The following MAP2 variants were observed in gnomAD, a reference collection of about 807,000 sequenced individuals.
MAP2 encodes the protein microtubule associated protein 2.
A neutral mutation model predicts 137.6 loss-of-function variants in MAP2; 14 were observed. That is an observed-to-expected ratio of 0.10 (90% CI 0.07 to 0.16). The LOEUF (loss-of-function observed/expected upper bound fraction) is 0.16, where lower values mean the gene tolerates loss of function less well. MAP2 is among the 10% of genes least tolerant of loss of function. MAP2 has a pLI of 1.00. For missense variants in MAP2, 2,088 were observed against 2,191.5 expected, an observed-to-expected ratio of 0.95 and a Z score of 0.94; for synonymous variants, 786 against 782.3, an observed-to-expected ratio of 1.00 and a Z score of -0.08.
intron 5 of MAP2, among the ~76,000 whole-genome samples, chr2:209,667,042 A>T (rs924754386): frequency 2.0e-5 from 3 of 150,080 alleles, no homozygotes; most frequent in Non-Finnish European, 4.4e-5. Context: ...TGAAAATACG[A>T]TATTTGCTTT....
At chr2:209,468,844 G>A (rs1030210777) in intron 1 of MAP2, among the ~76,000 whole-genome samples, 7 of 152,218 alleles carry the variant, frequency 4.6e-5, no homozygotes, top group African/African-American at 1.7e-4. Flanking sequence ...AGTAGGTGAG[G>A]AAACAGGAGG....
At chr2:209,489,546 A>AG (rs1217773830) in intron 1 of MAP2, among the ~76,000 whole-genome samples, 1 of 152,196 alleles carries the variant, frequency 6.6e-6, no homozygotes, top group East Asian at 1.9e-4. Flanking sequence ...GAACCTTGAT[A>AG]AAAGGTTAGA....
chr2:209,571,940 G>A (rs1156313570), intron 2 of MAP2, among the ~76,000 whole-genome samples: 2 of 151,486 alleles, frequency 1.3e-5, no homozygotes, highest in African/African-American at 4.8e-5. Flanking sequence ...AGCACTGATG[G>A]AATAAAGAAA....
chr2:209,682,322 C>T (rs188134848), intron 7 of MAP2, among the ~76,000 whole-genome samples: 120 of 152,192 alleles, frequency 7.9e-4, no homozygotes, highest in Admixed American at 3.3e-3. Flanking sequence ...GAAAACCCGT[C>T]TCTACTAAAA....
chr2:209,702,323 T>G (rs2061988979), intron 11 of MAP2, among the ~76,000 whole-genome samples: 1 of 152,006 alleles, frequency 6.6e-6, no homozygotes, highest in South Asian at 2.1e-4. Flanking sequence ...TCATTCTTTC[T>G]TTTTTTCTCA....
rs964401055 is a variant in MAP2 at position 209,732,768 on chromosome 2, A to T, written c.*2371A>T. 6.5e-6 allele frequency: 1 copy of T among 152,690 alleles called. No homozygotes were observed. Among genetic ancestry groups the T allele is most frequent in the African/African-American group, 2.4e-5 (1 of 41,466 alleles). 9.5% of individuals were successfully genotyped at this position (152,690 alleles called of 1,614,324 possible). On this transcript the variant is annotated 3_prime_UTR_variant, in exon 16 of 16. Transcript: ENST00000682079. ...TTTATTACAAATACATGTCAAAAAT[A>T]AAGATTATACAAGGCACCAAACTAC...
chr2:209,524,478 A>G (rs947337577), intron 2 of MAP2, among the ~76,000 whole-genome samples: 1 of 152,128 alleles, frequency 6.6e-6, no homozygotes, highest in African/African-American at 2.4e-5. Flanking sequence ...TTGCTATGTT[A>G]GTAGCCTCGA....
At chr2:209,558,566 G>A (rs936403133) in intron 2 of MAP2, among the ~76,000 whole-genome samples, 3 of 151,086 alleles carry the variant, frequency 2.0e-5, no homozygotes, top group Non-Finnish European at 4.4e-5. Flanking sequence ...TAAAGACCCA[G>A]ACATTCTCAT....
At chr2:209,720,222 A>G (rs2069724666) in intron 13 of MAP2, among the ~76,000 whole-genome samples, 1 of 152,186 alleles carries the variant, frequency 6.6e-6, no homozygotes, top group Non-Finnish European at 1.5e-5. Context: ...GGGGAGAGCT[A>G]TAGGAAGATG....
intron 3 of MAP2, among the ~76,000 whole-genome samples, chr2:209,580,970 T>C (rs542371824): frequency 6.6e-6 from 1 of 152,316 alleles, no homozygotes; most frequent in East Asian, 1.9e-4. Context: ...CTTTTAAGCC[T>C]TTCCTTGGGA....
At chr2:209,640,337 T>C (rs1336925882) in intron 4 of MAP2, among the ~76,000 whole-genome samples, 3 of 152,152 alleles carry the variant, frequency 2.0e-5, no homozygotes, top group African/African-American at 7.2e-5. Flanking sequence ...AGCCTGTCCA[T>C]TAATTTTTTA....
At position 209,645,299 on chromosome 2, in the gene MAP2, T is replaced by C. The variant is rs1309826334; in HGVS notation, c.-29-7843T>C. ...AAGTTTTAATTTGTACATACAGTTT[T>C]ATAACACTTAGATAACCAACCAAAA... On this transcript the variant is annotated intron_variant, in intron 4 of 15. Transcript: ENST00000682079. Among the ~76,000 whole-genome samples the C allele has an allele frequency of 2.0e-5, 3 of 152,230 alleles. No homozygotes were observed. The East Asian group carries it at 5.8e-4, about 29-fold the overall frequency.
intron 2 of MAP2, among the ~76,000 whole-genome samples, chr2:209,541,895 T>G (rs1406550236): frequency 6.6e-6 from 1 of 152,256 alleles, no homozygotes; most frequent in African/African-American, 2.4e-5. Context: ...AAGTTAATAC[T>G]TCTTTTAAAC....
chr2:209,614,762 G>A (rs1384305626), intron 3 of MAP2, among the ~76,000 whole-genome samples: 1 of 152,138 alleles, frequency 6.6e-6, no homozygotes, highest in Non-Finnish European at 1.5e-5. Flanking sequence ...TATCACAGAA[G>A]GGGGAGGGGA....
chr2:209,662,028 A>C (rs1184190108), intron 5 of MAP2, among the ~76,000 whole-genome samples: 1 of 152,116 alleles, frequency 6.6e-6, no homozygotes, highest in African/African-American at 2.4e-5. Flanking sequence ...GTAGGATGAG[A>C]TTTTCTTAAG....
intron 4 of MAP2, among the ~76,000 whole-genome samples, chr2:209,636,467 C>A (rs186828104): frequency 2.2e-4 from 34 of 151,868 alleles, no homozygotes; most frequent in Admixed American, 5.9e-4. Flanking sequence ...TGGAGTGAGT[C>A]CTGTTTTTGG....
chr2:209,551,683 G>A (rs2069198843), intron 2 of MAP2, among the ~76,000 whole-genome samples: 1 of 151,956 alleles, frequency 6.6e-6, no homozygotes, highest in African/African-American at 2.4e-5. Context: ...ATTTGAGCAA[G>A]TTTGCATGTA....
At chr2:209,542,133 C>A (rs1440800551) in intron 2 of MAP2, among the ~76,000 whole-genome samples, 2 of 152,232 alleles carry the variant, frequency 1.3e-5, no homozygotes, top group Non-Finnish European at 2.9e-5. Context: ...GTTGTATTAG[C>A]AGACATAAAG....
chr2:209,446,239 A>C (rs1424744136), intron 1 of MAP2, among the ~76,000 whole-genome samples: 1 of 151,812 alleles, frequency 6.6e-6, no homozygotes, highest in Non-Finnish European at 1.5e-5. Flanking sequence ...CTGGCTTATC[A>C]TACCTGGTTT....
Sources: allele counts gnomAD v4.1 joint callset (sites outside exome capture counted in the v4.1 genomes callset), GRCh38; gene constraint gnomAD v4.1.1; transcripts MANE v1.5; gene names NCBI Gene and HGNC (gene_info 2026-07-23, HGNC 2026-07-21).